Variants in TRA2A observed in about 807,000 individuals in gnomAD.
The protein encoded by TRA2A is transformer-2 protein homolog alpha.
A neutral mutation model predicts 45.7 loss-of-function variants in TRA2A; 31 were observed. The observed-to-expected ratio is 0.68, with a 90% CI of 0.51 to 0.92. TRA2A has a LOEUF of 0.92. Among genes scored for constraint, TRA2A ranks in the 40% least tolerant of loss-of-function variants. The pLI, the probability that TRA2A is intolerant of heterozygous loss-of-function variation, is 0.00. For missense variants in TRA2A, 304 were observed against 367.5 expected, an observed-to-expected ratio of 0.83 and a Z score of 1.41; for synonymous variants, 132 against 126.2, an observed-to-expected ratio of 1.05 and a Z score of -0.31.
intron 4 of TRA2A, among the ~76,000 whole-genome samples, chr7:23,511,458 A>C (rs1420244660): frequency 4.7e-5 from 7 of 150,414 alleles, no homozygotes; most frequent in Non-Finnish European, 1.0e-4. Flanking sequence ...GTCTAATAAA[A>C]CTTCCAGATA....
chr7:23,526,106 A>G (rs1330576068), intron 1 of TRA2A, among the ~76,000 whole-genome samples: 1 of 152,224 alleles, frequency 6.6e-6, no homozygotes, highest in Non-Finnish European at 1.5e-5. Flanking sequence ...TATTCTTTTA[A>G]TCAGGAAAAG....
chr7:23,531,929 G>T lies in TRA2A; in HGVS notation c.-105C>A. On this transcript the variant is annotated 5_prime_UTR_variant, in exon 1 of 8. Coordinates refer to ENST00000297071, the MANE Select transcript of TRA2A (RefSeq NM_013293.5). ...GACCGTGGGGAAGAGGAAAGAGTCG[G>T]CAACCACAGCCGCTCCACTCCACTC... 1 of 1,284,868 alleles carries T rather than the reference G, an allele frequency of 7.8e-7. No individual in the cohort carries two copies. The highest frequency in any genetic ancestry group is 1.1e-6 in the Non-Finnish European group (1 of 902,408). The allele number at this position is 1,284,868 out of a possible 1,614,324, so 79.6% of individuals were successfully genotyped here.
intron 1 of TRA2A, among the ~76,000 whole-genome samples, chr7:23,530,713 C>G (rs903769543): frequency 6.6e-6 from 1 of 152,138 alleles, no homozygotes; most frequent in South Asian, 2.1e-4. Context: ...GTTTGTATTT[C>G]TCCGACCCCA....
At position 23,531,956 on chromosome 7, in the gene TRA2A, C is replaced by A. The variant is rs937626409; in HGVS notation, c.-132G>T. ...AACCACAGCCGCTCCACTCCACTCC[C>A]ACTCGGTCGCAGGCTCCAGCAAAAT... On this transcript the variant is annotated 5_prime_UTR_variant, in exon 1 of 8. Coordinates refer to ENST00000297071, the MANE Select transcript of TRA2A (RefSeq NM_013293.5). The A allele has an allele frequency of 1.1e-6, 1 of 946,808 alleles. No homozygotes were observed. The allele number at this position is 946,808 out of a possible 1,614,324, so 58.7% of individuals were successfully genotyped here. A position where few individuals can be genotyped will look rare whatever the true frequency, so the allele number is the denominator to read the frequency against.
At chr7:23,514,141 C>T (rs1789753263) in intron 3 of TRA2A, among the ~76,000 whole-genome samples, 1 of 149,434 alleles carries the variant, frequency 6.7e-6, no homozygotes, top group African/African-American at 2.5e-5. Context: ...GATCTTGGCT[C>T]ACCGCAACCT....
chr7:23,515,508 C>G (rs997655542), intron 3 of TRA2A, among the ~76,000 whole-genome samples: 6 of 151,374 alleles, frequency 4.0e-5, no homozygotes, highest in South Asian at 2.1e-4. Flanking sequence ...TGAGCCACCA[C>G]GCCCGGCCGG....
intron 1 of TRA2A, among the ~76,000 whole-genome samples, chr7:23,524,578 A>G (rs1004338914): frequency 7.9e-5 from 12 of 152,116 alleles, no homozygotes; most frequent in African/African-American, 2.9e-4. Context: ...CTTTCTTTTT[A>G]TCTCAGAGGA....
intron 6 of TRA2A, 122 bp downstream of exon 6, chr7:23,506,016 A>G: frequency 1.1e-6 from 1 of 914,458 alleles, no homozygotes; most frequent in Non-Finnish European, 1.7e-6. Context: ...TTCTGCTCCC[A>G]AAGGCGTCAT....
Position 23,531,779 on chromosome 7 carries a change from T to A in TRA2A, c.36+10A>T. 6.2e-7 allele frequency: 1 copy of A among 1,613,390 alleles called. No homozygotes were observed. Among genetic ancestry groups the A allele is most frequent in the Non-Finnish European group, 8.5e-7 (1 of 1,180,004 alleles). ...CGCCGCCTAGACGGCTCCCGCGGCT[T>A]TGTACTCACTCTGCCCTCGAAGTTG... On this transcript the variant is annotated intron_variant, in intron 1 of 7. Coordinates refer to ENST00000297071, the MANE Select transcript of TRA2A (RefSeq NM_013293.5).
At chr7:23,518,593 A>G (rs146866069) in intron 2 of TRA2A, among the ~76,000 whole-genome samples, 3,276 of 151,136 alleles carry the variant, frequency 0.022, 129 homozygotes, top group African/African-American at 0.076. Flanking sequence ...CACCCACCTC[A>G]GCCTCCCAAA....
At position 23,510,705 on chromosome 7, in the gene TRA2A, TTAA is replaced by T. The variant is rs1454659317; in HGVS notation, c.525+2186_525+2188del. Among the ~76,000 whole-genome samples the T allele has an allele frequency of 7.9e-5, 12 of 152,166 alleles. No individual in the cohort carries two copies. In the East Asian group the frequency reaches 9.6e-4, roughly 12 times the overall value. On this transcript the variant is annotated intron_variant, in intron 4 of 7. Coordinates refer to ENST00000297071, the MANE Select transcript of TRA2A (RefSeq NM_013293.5). ...TAAACACGTTTCACATTAAAAAATA[TTAA>T]TAATAAAAAAATTACACTGTTCTGG...
At chr7:23,523,569 T>C (rs1300775318) in intron 1 of TRA2A, among the ~76,000 whole-genome samples, 2 of 152,238 alleles carry the variant, frequency 1.3e-5, no homozygotes, top group African/African-American at 4.8e-5. Flanking sequence ...TCAAGACTTA[T>C]TTATCAAGAA....
At position 23,516,235 on chromosome 7, in the gene TRA2A, A is replaced by G. The variant is rs555459798; in HGVS notation, c.336+128T>C. 3.7e-6 allele frequency: 3 copies of G among 813,634 alleles called. No individual in the cohort carries two copies. In the African/African-American group the frequency reaches 5.2e-5, roughly 14 times the overall value. The allele number at this position is 813,634 out of a possible 1,614,324, so 50.4% of individuals were successfully genotyped here. ...TTTCCTTTACTTTGAAAGCTAAAGC[A>G]GCTTATTAAGGATGTTTCCAGAGTA... On this transcript the variant is annotated intron_variant, in intron 3 of 7. Transcript: ENST00000297071.
At position 23,531,864 on chromosome 7, in the gene TRA2A, C is replaced by G; in HGVS notation, c.-40G>C. ...CCCCAGAACTAAATAAGAGACAAGTCTCGGCTCGAGGGCCGATGGCCTAAT... is the reference window on the plus strand; with the variant it reads ...CCCCAGAACTAAATAAGAGACAAGTGTCGGCTCGAGGGCCGATGGCCTAAT... On this transcript the variant is annotated 5_prime_UTR_variant, in exon 1 of 8. Coordinates refer to ENST00000297071, the MANE Select transcript of TRA2A (RefSeq NM_013293.5). 1.2e-6 allele frequency: 2 copies of G among 1,612,102 alleles called. No homozygotes were observed. The highest frequency in any genetic ancestry group is 1.7e-6 in the Non-Finnish European group (2 of 1,179,464).
chr7:23,509,737 A>G (rs1184389854), intron 4 of TRA2A, among the ~76,000 whole-genome samples: 1 of 151,338 alleles, frequency 6.6e-6, no homozygotes, highest in Non-Finnish European at 1.5e-5. Flanking sequence ...GTCTCAAAAA[A>G]AAAAAATCAC....
intron 4 of TRA2A, among the ~76,000 whole-genome samples, chr7:23,510,383 G>A (rs1199440638): frequency 1.3e-5 from 2 of 152,102 alleles, no homozygotes; most frequent in African/African-American, 2.4e-5. Flanking sequence ...AGGCTGGAGT[G>A]AAGTGGCACA....
At chr7:23,509,016 A>C (rs1268359175) in intron 4 of TRA2A, among the ~76,000 whole-genome samples, 1 of 151,018 alleles carries the variant, frequency 6.6e-6, no homozygotes, top group Non-Finnish European at 1.5e-5. Flanking sequence ...TCACACACAT[A>C]TATATATTTG....
At chr7:23,510,593 G>A (rs1438012699) in intron 4 of TRA2A, among the ~76,000 whole-genome samples, 2 of 152,150 alleles carry the variant, frequency 1.3e-5, no homozygotes, top group Non-Finnish European at 1.5e-5. Context: ...CTCCCGAAGT[G>A]CTGGGATTAC....
intron 2 of TRA2A, among the ~76,000 whole-genome samples, chr7:23,517,746 T>C (rs1270879798): frequency 6.6e-6 from 1 of 150,852 alleles, no homozygotes; most frequent in Non-Finnish European, 1.5e-5. Context: ...ACCCTGTCTC[T>C]ACTAAAAATA....
Sources: gnomAD v4.1 joint callset for allele counts (sites outside exome capture counted in the v4.1 genomes callset) on GRCh38, gnomAD v4.1.1 for gene constraint, MANE v1.5 for transcripts, NCBI Gene and HGNC (gene_info 2026-07-23, HGNC 2026-07-21) for gene names.